The following NRK variants were observed in gnomAD, a reference collection of about 807,000 sequenced individuals.
NRK encodes nik-related protein kinase.
In NRK, 67 loss-of-function variants were observed where a neutral mutation model predicts 125.2. The observed-to-expected ratio is 0.54, with a 90% CI of 0.44 to 0.66. The LOEUF (loss-of-function observed/expected upper bound fraction) is 0.66, where lower values mean the gene tolerates loss of function less well. NRK is among the 30% of genes least tolerant of loss of function. NRK has a pLI of 0.00. For missense variants in NRK, 1,224 were observed against 1,192.9 expected, an observed-to-expected ratio of 1.03 and a Z score of -0.38; for synonymous variants, 458 against 429.0, an observed-to-expected ratio of 1.07 and a Z score of -0.84.
At chrX:105,889,309 A>G (rs2039986685) in intron 5 of NRK, among the ~76,000 whole-genome samples, 1 of 105,907 alleles carries the variant, frequency 9.4e-6, no homozygotes, top group African/African-American at 3.5e-5. Context: ...GTGGGTTCCC[A>G]TGGTCTTGGC....
intron 2 of NRK, among the ~76,000 whole-genome samples, chrX:105,866,288 C>T (rs886169792): frequency 9.1e-6 from 1 of 110,491 alleles, no homozygotes; most frequent in African/African-American, 3.3e-5. Flanking sequence ...AGGACTTTAA[C>T]ATCTGCCTCG....
At chrX:105,832,281 G>C (rs1000203694) in intron 2 of NRK, among the ~76,000 whole-genome samples, 27 of 111,472 alleles carry the variant, frequency 2.4e-4, no homozygotes, top group African/African-American at 8.5e-4. Context: ...CCAAGAAAAG[G>C]TGTGGTTGTG....
At position 105,949,744 on chromosome X, in the gene NRK, C is replaced by G. The variant is rs375597319; in HGVS notation, c.4513+10C>G. On this transcript the variant is annotated intron_variant, in intron 27 of 28. Coordinates refer to ENST00000243300, the MANE Select transcript of NRK (RefSeq NM_198465.4). ...ATACCATCTTCTATAGGTATGTATA[C>G]AATTTATTTCTTCTTCAGGACCCCA... The G allele has an allele frequency of 1.0e-4, 112 of 1,112,123 alleles. No individual in the cohort carries two copies. In the African/African-American group the frequency reaches 1.8e-3, roughly 17 times the overall value. 91.7% of individuals were successfully genotyped at this position (1,112,123 alleles called of 1,213,427 possible).
intron 11 of NRK, chrX:105,907,140 T>G (rs2040231530): frequency 9.0e-6 from 1 of 110,988 alleles, no homozygotes; most frequent in South Asian, 3.8e-4. Context: ...TAAACTTCTG[T>G]CTATTAATAA....
intron 2 of NRK, among the ~76,000 whole-genome samples, chrX:105,852,074 C>T (rs1190251766): frequency 7.1e-5 from 8 of 111,958 alleles, no homozygotes; most frequent in Admixed American, 1.9e-4. Flanking sequence ...AATGGAGAAA[C>T]GACTTTCTCA....
At chrX:105,940,474 C>G (rs774301194) in intron 23 of NRK, among the ~76,000 whole-genome samples, 1 of 110,300 alleles carries the variant, frequency 9.1e-6, no homozygotes, top group African/African-American at 3.3e-5. Flanking sequence ...TTTGGAGCAA[C>G]AGTAAGATTG....
rs773622968 is a variant in NRK, at chrX:105,840,853, G to GTGTA, written c.123+9736_123+9739dup. On this transcript the variant is annotated intron_variant, in intron 2 of 28. Transcript: ENST00000243300. Reference sequence around the variant, plus strand: ...TATGTATGTATGTGTCTGTGTGTGTGTGTATATATATATATATACATAGAG... The same window carrying GTGTA: ...TATGTATGTATGTGTCTGTGTGTGTGTGTATGTATATATATATATATACATAGAG... 3.2e-4 allele frequency among the ~76,000 whole-genome samples: 33 copies of GTGTA among 102,819 alleles called. 1 individual carries two copies. The East Asian group carries it at 9.3e-3, about 29-fold the overall frequency. 89.3% of individuals were successfully genotyped at this position (102,819 alleles called of 115,157 possible).
chrX:105,853,855 G>A (rs979044311), intron 2 of NRK, among the ~76,000 whole-genome samples: 2 of 112,199 alleles, frequency 1.8e-5, no homozygotes, highest in African/African-American at 3.2e-5. Flanking sequence ...AGAAATACAT[G>A]TAGAACTGGT....
At position 105,831,054 on chromosome X, in the gene NRK, G is replaced by A; in HGVS notation, c.58G>A (p.Asp20Asn). 1 of 1,136,073 alleles carries A rather than the reference G, an allele frequency of 8.8e-7. No individual in the cohort carries two copies. Among genetic ancestry groups the A allele is most frequent in the South Asian group, 1.9e-5 (1 of 52,782 alleles). 93.6% of individuals were successfully genotyped at this position (1,136,073 alleles called of 1,213,427 possible). Residue 20 changes from aspartate to asparagine, a missense_variant and splice_region_variant, in exon 2 of 29, where the codon GAT (aspartate) becomes AAT (asparagine). Physicochemically the swap from Asp to Asn is conservative, Grantham distance 23. Coordinates refer to ENST00000243300, the MANE Select transcript of NRK (RefSeq NM_198465.4). ...CAATTTTTATTTTACTTTTTTGCAG[G>A]ATCCAACTGGAATATTCTCACTAGA... ...REVTDLGHLP[D>N]PTGIFSLDKT...
chrX:105,948,115 G>A (rs1284060285), intron 26 of NRK, among the ~76,000 whole-genome samples: 3 of 110,802 alleles, frequency 2.7e-5, no homozygotes, highest in African/African-American at 9.8e-5. Context: ...CTTTTATTAA[G>A]AAGCTAGTGC....
intron 2 of NRK, among the ~76,000 whole-genome samples, chrX:105,876,445 CTAGTT>C (rs1175092106): frequency 9.1e-6 from 1 of 110,467 alleles, no homozygotes; most frequent in Admixed American, 9.7e-5. Flanking sequence ...TACTCAAACT[CTAGTT>C]AATGAAGCAT....
In NRK at chrX:105,953,109, T is replaced by C. The variant is rs768803127; in HGVS notation, c.4589T>C (p.Leu1530Pro). Residue 1530 changes from leucine to proline, a missense_variant, in exon 28 of 29, where the codon CTG becomes CCG. Leu to Pro is a moderately conservative substitution (Grantham distance 98). Coordinates refer to ENST00000243300, the MANE Select transcript of NRK (RefSeq NM_198465.4). ...GTGCGCTCTTTGCAATCCAGGGTTC[T>C]GGAAAGTGAGCTGAAGCGCAGGTCA... ...IEVRSLQSRV[L>P]ESELKRRSIK... is the part of the protein sequence containing the mutation. The C allele has an allele frequency of 2.5e-6, 3 of 1,197,499 alleles. No individual in the cohort carries two copies. The highest frequency in any genetic ancestry group is 3.4e-6 in the Non-Finnish European group (3 of 887,323).
chrX:105,848,230 C>G (rs1235751902), intron 2 of NRK, among the ~76,000 whole-genome samples: 1 of 111,251 alleles, frequency 9.0e-6, no homozygotes, highest in Non-Finnish European at 1.9e-5. Flanking sequence ...TCCTTTAGGT[C>G]AAATAACTAA....
chrX:105,864,271 G>C (rs1370264504), intron 2 of NRK, among the ~76,000 whole-genome samples: 1 of 111,308 alleles, frequency 9.0e-6, no homozygotes, highest in African/African-American at 3.3e-5. Flanking sequence ...AGTACATCTA[G>C]TTACCCTGAA....
At chrX:105,927,274 C>T (rs1260486366) in intron 19 of NRK, among the ~76,000 whole-genome samples, 1 of 111,072 alleles carries the variant, frequency 9.0e-6, no homozygotes, top group African/African-American at 3.3e-5. Context: ...ATTTCTTTCT[C>T]AGCTAGGTTA....
intron 2 of NRK, among the ~76,000 whole-genome samples, chrX:105,867,949 G>A (rs975798438): frequency 1.2e-4 from 13 of 111,538 alleles, no homozygotes; most frequent in Non-Finnish European, 2.1e-4. Context: ...TACTTTCAAA[G>A]ACCTTGTAAT....
intron 2 of NRK, among the ~76,000 whole-genome samples, chrX:105,856,040 T>TA (rs1211132305): frequency 8.9e-5 from 10 of 111,885 alleles, no homozygotes; most frequent in East Asian, 2.8e-4. Flanking sequence ...CTTCTTTGAT[T>TA]AAAAAAACTC....
At chrX:105,881,846 C>A in intron 4 of NRK, 67 bp downstream of exon 4, 1 of 602,144 alleles carries the variant, frequency 1.7e-6, no homozygotes, top group Non-Finnish European at 2.7e-6. Flanking sequence ...TTTAACTTAT[C>A]CCTTTGCATT....
At chrX:105,831,331 A>G (rs1453789279) in intron 2 of NRK, among the ~76,000 whole-genome samples, 2 of 112,215 alleles carry the variant, frequency 1.8e-5, no homozygotes, top group East Asian at 5.6e-4. Flanking sequence ...CCAACCAAAC[A>G]TAACATCTAA....
Sources: gnomAD v4.1 joint callset for allele counts (sites outside exome capture counted in the v4.1 genomes callset) on GRCh38, gnomAD v4.1.1 for gene constraint, MANE v1.5 for transcripts, NCBI Gene and HGNC (gene_info 2026-07-23, HGNC 2026-07-21) for gene names.